Variants in NRP1 observed in about 807,000 individuals in gnomAD.
NRP1 encodes neuropilin 1.
A neutral mutation model predicts 106.7 loss-of-function variants in NRP1; 35 were observed. That is an observed-to-expected ratio of 0.33 (90% confidence interval 0.25 to 0.43). The LOEUF is 0.43. Ranked by LOEUF, NRP1 falls within the 20% of genes least tolerant of loss-of-function variation. The pLI, the probability that NRP1 is intolerant of heterozygous loss-of-function variation, is 1.00. For missense variants in NRP1, 1,024 were observed against 1,170.4 expected (o/e 0.87, Z 1.83); for synonymous variants, 437 against 417.9 (o/e 1.05, Z -0.56).
At chr10:33,292,185 G>A (rs374266683) in intron 2 of NRP1, among the ~76,000 whole-genome samples, 11 of 152,166 alleles carry the variant, frequency 7.2e-5, no homozygotes, top group East Asian at 5.8e-4. Context: ...CATGAGTCAC[G>A]GTGCCCAGCC....
chr10:33,223,828 G>T (rs1839447046), intron 7 of NRP1, among the ~76,000 whole-genome samples: 1 of 152,158 alleles, frequency 6.6e-6, no homozygotes, highest in Non-Finnish European at 1.5e-5. Flanking sequence ...GCCAATGATG[G>T]TGCTCTCCTT....
intron 2 of NRP1, among the ~76,000 whole-genome samples, chr10:33,325,801 G>A (rs1425334893): frequency 6.6e-6 from 1 of 152,126 alleles, no homozygotes; most frequent in Non-Finnish European, 1.5e-5. Context: ...AACGCACTGA[G>A]TTAGGAAAAA....
chr10:33,194,870 G>C, intron 12 of NRP1: 1 of 431,096 alleles, frequency 2.3e-6, no homozygotes, highest in Admixed American at 3.0e-5. Flanking sequence ...AAGGGAGAGA[G>C]AAAAGGAGAG....
chr10:33,208,312 C>T (rs570208928), intron 9 of NRP1, among the ~76,000 whole-genome samples: 18 of 152,312 alleles, frequency 1.2e-4, no homozygotes, highest in South Asian at 1.0e-3. Context: ...ATTGGCCTCT[C>T]CAAGTGCTGG....
At chr10:33,251,942 C>T (rs1342844025) in intron 6 of NRP1, among the ~76,000 whole-genome samples, 1 of 152,108 alleles carries the variant, frequency 6.6e-6, no homozygotes, top group Non-Finnish European at 1.5e-5. Context: ...CTGGCTAGGG[C>T]TCCACCCCCA....
intron 2 of NRP1, among the ~76,000 whole-genome samples, chr10:33,287,568 C>T (rs988796549): frequency 6.6e-6 from 1 of 152,182 alleles, no homozygotes; most frequent in African/African-American, 2.4e-5. Flanking sequence ...AGGTGGTGTC[C>T]TGTTACACAT....
intron 12 of NRP1, 81 bp downstream of exon 12, chr10:33,197,569 G>A: frequency 9.0e-7 from 1 of 1,116,466 alleles, no homozygotes; most frequent in Non-Finnish European, 1.3e-6. Flanking sequence ...AGGACTTTCA[G>A]AGAAACTGAA....
chr10:33,258,809 C>T (rs1425528461), intron 4 of NRP1, among the ~76,000 whole-genome samples: 1 of 152,006 alleles, frequency 6.6e-6, no homozygotes, highest in African/African-American at 2.4e-5. Context: ...ATGAAAATAC[C>T]TTGCTAGAAC....
rs1836478598 is a variant in NRP1 at position 33,192,349 on chromosome 10, T to C, written c.1994A>G (p.His665Arg). ...GSHKTFCHWE[H>R]DNHVQLKWSV... is the part of the protein sequence containing the mutation. ...CCACTTGAGCTGCACGTGATTGTCA[T>C]GTTCCCAGTGGCAGAAGGTCTTGTG... The change falls in exon 13 of 17, where the codon CAT (histidine) becomes CGT (arginine). Residue 665 changes from histidine to arginine, a missense_variant. Physicochemically the swap from His to Arg is conservative, Grantham distance 29. Around this residue, in one of 5 missense-constraint regions of NRP1, gnomAD observed 562 missense variants for 620.3 expected, o/e 0.91. Coordinates refer to ENST00000374867, the MANE Select transcript of NRP1 (RefSeq NM_003873.7). The C allele has an allele frequency of 2.5e-6, 4 of 1,613,782 alleles. No homozygotes were observed. Among genetic ancestry groups the C allele is most frequent in the Non-Finnish European group, 3.4e-6 (4 of 1,179,900 alleles).
Position 33,194,478 on chromosome 10 carries a change from G to A in NRP1, c.1925-2060C>T, listed in dbSNP as rs554523868. 7.0e-4 allele frequency: 179 copies of A among 255,742 alleles called. 1 individual carries two copies. Among genetic ancestry groups the A allele is most frequent in the Non-Finnish European group, 5.6e-5 (7 of 125,528 alleles). The allele number at this position is 255,742 out of a possible 1,614,324, so 15.8% of individuals were successfully genotyped here. ...TCATATTCTGATGATACCATAAAATGTAGGAACTTGGATATTTTTGAAATG... is the reference window on the plus strand; with the variant it reads ...TCATATTCTGATGATACCATAAAATATAGGAACTTGGATATTTTTGAAATG... On this transcript the variant is annotated intron_variant, in intron 12 of 16. Coordinates refer to ENST00000374867, the MANE Select transcript of NRP1 (RefSeq NM_003873.7).
At chr10:33,243,933 T>TTGTG (rs112554908) in intron 6 of NRP1, among the ~76,000 whole-genome samples, 6,885 of 141,356 alleles carry the variant, frequency 0.049, 456 homozygotes, top group African/African-American at 0.16. Flanking sequence ...GGGTAGAGGT[T>TTGTG]TGTGTGTGTG....
chr10:33,266,085 T>C (rs1842900576), intron 3 of NRP1, among the ~76,000 whole-genome samples: 2 of 152,168 alleles, frequency 1.3e-5, no homozygotes, highest in African/African-American at 2.4e-5. Context: ...AGTATCTGCA[T>C]GAAACAGCAA....
intron 6 of NRP1, among the ~76,000 whole-genome samples, chr10:33,231,896 A>C (rs557862342): frequency 1.3e-5 from 2 of 152,330 alleles, no homozygotes; most frequent in Admixed American, 1.3e-4. Context: ...AGCAGGAAAA[A>C]ATAAATGAAT....
chr10:33,185,514 C>T (rs546215904), intron 15 of NRP1, 114 bp downstream of exon 15: 23 of 743,624 alleles, frequency 3.1e-5, no homozygotes, highest in East Asian at 1.9e-4. Flanking sequence ...TATGATGTGC[C>T]GAGAGGCCAC....
chr10:33,200,009 G>T (rs968583999), intron 11 of NRP1, among the ~76,000 whole-genome samples: 2 of 152,160 alleles, frequency 1.3e-5, no homozygotes, highest in African/African-American at 4.8e-5. Context: ...AAATATGCTG[G>T]ATGAGTGGTC....
chr10:33,187,574 G>A (rs934587333), intron 13 of NRP1, among the ~76,000 whole-genome samples: 4 of 152,110 alleles, frequency 2.6e-5, no homozygotes, highest in South Asian at 2.1e-4. Context: ...GCTGAACTGC[G>A]AGGACTTTCT....
chr10:33,245,566 A>G (rs901203575), intron 6 of NRP1, among the ~76,000 whole-genome samples: 5 of 152,210 alleles, frequency 3.3e-5, no homozygotes, highest in African/African-American at 1.2e-4. Flanking sequence ...GGGTTTAAAC[A>G]TGCTTGCTTG....
At chr10:33,266,728 C>T (rs926749163) in intron 3 of NRP1, among the ~76,000 whole-genome samples, 2 of 152,146 alleles carry the variant, frequency 1.3e-5, no homozygotes, top group Non-Finnish European at 2.9e-5. Context: ...GTGATTGAAT[C>T]ATGGGGGTGG....
At chr10:33,307,895 A>G (rs1846282056) in intron 2 of NRP1, among the ~76,000 whole-genome samples, 1 of 152,210 alleles carries the variant, frequency 6.6e-6, no homozygotes, top group African/African-American at 2.4e-5. Flanking sequence ...AAATCATTCT[A>G]CCATAAAGAC....
Sources: allele counts gnomAD v4.1 joint callset (sites outside exome capture counted in the v4.1 genomes callset), GRCh38; gene constraint gnomAD v4.1.1; regional missense constraint gnomAD v4.1.1; transcripts MANE v1.5; gene names NCBI Gene and HGNC (gene_info 2026-07-23, HGNC 2026-07-21).